RYR2: variants seen among roughly 807,000 people sequenced by gnomAD.
RYR2 encodes cardiac muscle ryanodine receptor-calcium release channel.
In RYR2, 227 loss-of-function variants were observed where a neutral mutation model predicts 601.1. The ratio of observed to expected loss-of-function variants is 0.38; its 90% CI spans 0.34 to 0.42. The LOEUF (loss-of-function observed/expected upper bound fraction) is 0.42, where lower values mean the gene tolerates loss of function less well. Ranked by LOEUF, RYR2 falls within the 10% of genes least tolerant of loss-of-function variation. RYR2 has a pLI of 1.00. For missense variants in RYR2, 4,646 were observed against 6,156.5 expected (o/e 0.75, Z 8.21); for synonymous variants, 2,223 against 2,175.1 (o/e 1.02, Z -0.61).
intron 3 of RYR2, among the ~76,000 whole-genome samples, chr1:237,350,952 T>G (rs987672793): frequency 6.6e-6 from 1 of 152,012 alleles, no homozygotes; most frequent in African/African-American, 2.4e-5. Context: ...CAGCACCATA[T>G]GCTGAGAAAG....
chr1:237,538,951 C>G (rs569100088), intron 25 of RYR2, among the ~76,000 whole-genome samples: 162 of 152,046 alleles, frequency 1.1e-3, no homozygotes, highest in African/African-American at 3.9e-3. Context: ...TTTCAAGGGA[C>G]TTAGTACTGA....
chr1:237,831,554 C>T lies in RYR2; in HGVS notation c.14797C>T (p.His4933Tyr). The change falls in exon 104 of 105, where the codon CAC becomes TAC. Residue 4933 changes from histidine to tyrosine, a missense_variant. This residue lies in a region of RYR2 where 55 missense variants were observed against 204.7 expected (regional missense o/e 0.27). Coordinates refer to ENST00000366574, the MANE Select transcript of RYR2 (RefSeq NM_001035.3). Reference protein sequence around the residue: ...MYLINKDETEHTGQESYVWKM... With the variant: ...MYLINKDETEYTGQESYVWKM... ...TCTTATAAACAAAGATGAAACAGAA[C>T]ACACAGGACAGGTAGGTAAATTATT... 6.4e-7 allele frequency: 1 copy of T among 1,563,442 alleles called. No homozygotes were observed. The highest frequency in any genetic ancestry group is 8.8e-7 in the Non-Finnish European group (1 of 1,138,924).
chr1:237,375,635 A>G (rs1291623942), intron 7 of RYR2, among the ~76,000 whole-genome samples: 1 of 152,226 alleles, frequency 6.6e-6, no homozygotes. Flanking sequence ...AAACTTTTTA[A>G]TAGACCAATG....
chr1:237,773,301 C>G (rs1694412665), intron 86 of RYR2, among the ~76,000 whole-genome samples: 1 of 152,102 alleles, frequency 6.6e-6, no homozygotes, highest in Non-Finnish European at 1.5e-5. Flanking sequence ...TTTTCTTCTT[C>G]TTGTCTTCTC....
At position 237,355,821 on chromosome 1, in the gene RYR2, T is replaced by C. The variant is rs139964185; in HGVS notation, c.274-144T>C. ...GATTAAATGTTGTTAATGAAAAACT[T>C]GAATACAATTTTTTATGCTTTAGAA... On this transcript the variant is annotated intron_variant, in intron 3 of 104. Coordinates refer to ENST00000366574, the MANE Select transcript of RYR2 (RefSeq NM_001035.3). The C allele has an allele frequency of 2.8e-4, 195 of 689,872 alleles. No individual in the cohort carries two copies. The African/African-American group carries it at 3.0e-3, about 11-fold the overall frequency. 42.7% of individuals were successfully genotyped at this position (689,872 alleles called of 1,614,324 possible). A position where few individuals can be genotyped will look rare whatever the true frequency, so the allele number is the denominator to read the frequency against.
intron 1 of RYR2, among the ~76,000 whole-genome samples, chr1:237,134,632 A>C (rs549572328): frequency 6.6e-6 from 1 of 152,354 alleles, no homozygotes; most frequent in South Asian, 2.1e-4. Flanking sequence ...GTGGGGACAC[A>C]GCCAAACGAT....
intron 47 of RYR2, among the ~76,000 whole-genome samples, chr1:237,642,947 T>C (rs1681718597): frequency 6.6e-6 from 1 of 152,216 alleles, no homozygotes; most frequent in African/African-American, 2.4e-5. Flanking sequence ...AGTCTAATGA[T>C]AATTTTCTTT....
intron 100 of RYR2, among the ~76,000 whole-genome samples, chr1:237,810,524 G>A (rs1355491566): frequency 6.6e-6 from 1 of 152,182 alleles, no homozygotes; most frequent in Non-Finnish European, 1.5e-5. Flanking sequence ...TGGTTGGGAG[G>A]TTGAATTGAC....
chr1:237,211,180 T>C (rs1222735750), intron 1 of RYR2, among the ~76,000 whole-genome samples: 1 of 152,202 alleles, frequency 6.6e-6, no homozygotes, highest in Non-Finnish European at 1.5e-5. Flanking sequence ...AAACCTTACA[T>C]GTTTGACAGC....
intron 58 of RYR2, 46 bp downstream of exon 58, chr1:237,668,004 T>G: frequency 1.3e-3 from 1,528 of 1,197,840 alleles, no homozygotes; most frequent in Non-Finnish European, 1.6e-3. Context: ...CTGAGCTCAA[T>G]TCCATGAGTG....
chr1:237,377,021 G>A (rs901986067), intron 7 of RYR2, among the ~76,000 whole-genome samples: 1 of 152,214 alleles, frequency 6.6e-6, no homozygotes, highest in Non-Finnish European at 1.5e-5. Flanking sequence ...TGTAAAGAAT[G>A]AAATCAGATC....
chr1:237,530,093 C>T (rs186099048), intron 24 of RYR2, among the ~76,000 whole-genome samples: 250 of 152,090 alleles, frequency 1.6e-3, no homozygotes, highest in African/African-American at 5.9e-3. Flanking sequence ...GGGTGGATCA[C>T]GAGGTCAGGA....
In RYR2 at chr1:237,633,484, C is replaced by A. The variant is rs564280017; in HGVS notation, c.6556-94C>A. The A allele has an allele frequency of 1.2e-5, 18 of 1,463,860 alleles. No homozygotes were observed. In the Admixed American group the frequency reaches 3.1e-4, roughly 25 times the overall value. The allele number at this position is 1,463,860 out of a possible 1,614,324, so 90.7% of individuals were successfully genotyped here. A position where few individuals can be genotyped will look rare whatever the true frequency, so the allele number is the denominator to read the frequency against. On this transcript the variant is annotated intron_variant, in intron 42 of 104. Transcript: ENST00000366574. The stretch of plus-strand genomic sequence containing the variant: ...GAAGTTTGGCACACACATGGACACA[C>A]GGGGATTGACGATGTGATTGAGACC...
intron 23 of RYR2, among the ~76,000 whole-genome samples, chr1:237,509,057 T>C (rs1336172645): frequency 6.6e-6 from 1 of 152,148 alleles, no homozygotes; most frequent in East Asian, 1.9e-4. Context: ...TTTCAAATAT[T>C]AAAGGATAAT....
Position 237,717,335 on chromosome 1 carries a change from G to T in RYR2, c.10461G>T (p.Glu3487Asp). Residue 3487 changes from glutamate (E) to aspartate (D), a missense_variant, in exon 72 of 105, where the codon GAG (glutamate) becomes GAT (aspartate). Around this residue, in one of 17 missense-constraint regions of RYR2, gnomAD observed 1,497 missense variants for 1,842.6 expected, o/e 0.81. Coordinates refer to ENST00000366574, the MANE Select transcript of RYR2 (RefSeq NM_001035.3). Reference protein sequence around the residue: ...GLNICAPGDQELIALAKNRFS... With the variant: ...GLNICAPGDQDLIALAKNRFS... ...ACATCTGTGCCCCTGGGGACCAGGA[G>T]CTCATTGCTCTGGCCAAAAATCGAT... The T allele has an allele frequency of 6.2e-7, 1 of 1,609,234 alleles. No individual in the cohort carries two copies. The highest frequency in any genetic ancestry group is 1.1e-5 in the South Asian group (1 of 90,492).
intron 1 of RYR2, among the ~76,000 whole-genome samples, chr1:237,146,537 G>T (rs886216286): frequency 2.0e-5 from 3 of 152,136 alleles, no homozygotes; most frequent in African/African-American, 7.2e-5. Flanking sequence ...TGCAGGATGC[G>T]CTCCTTCTTA....
At chr1:237,780,376 A>T (rs956918544) in intron 88 of RYR2, among the ~76,000 whole-genome samples, 1 of 152,230 alleles carries the variant, frequency 6.6e-6, no homozygotes, top group Non-Finnish European at 1.5e-5. Context: ...ATGTTTTTCC[A>T]TCAGGGTATT....
At chr1:237,611,435 A>T (rs1048746781) in intron 36 of RYR2, among the ~76,000 whole-genome samples, 1 of 152,202 alleles carries the variant, frequency 6.6e-6, no homozygotes, top group African/African-American at 2.4e-5. Flanking sequence ...ATATTAATGA[A>T]AGAAAATTGG....
At chr1:237,727,941 C>T (rs940733007) in intron 76 of RYR2, among the ~76,000 whole-genome samples, 2 of 152,036 alleles carry the variant, frequency 1.3e-5, no homozygotes, top group African/African-American at 4.8e-5. Context: ...ATACAAATTG[C>T]ATCACCTCTA....
Sources: allele counts gnomAD v4.1 joint callset (sites outside exome capture counted in the v4.1 genomes callset), GRCh38; gene constraint gnomAD v4.1.1; regional missense constraint gnomAD v4.1.1; transcripts MANE v1.5; gene names NCBI Gene and HGNC (gene_info 2026-07-23, HGNC 2026-07-21).